The following DNAJB4 variants were observed in gnomAD, a reference collection of about 807,000 sequenced individuals.
DNAJB4 encodes the protein dnaJ homolog subfamily B member 4.
Under a neutral mutation model 26.6 loss-of-function variants are expected in DNAJB4, and 10 were observed. That is an observed-to-expected ratio of 0.38 (90% CI 0.23 to 0.64). The LOEUF is 0.64. Ranked by LOEUF, DNAJB4 falls within the 30% of genes least tolerant of loss-of-function variation. DNAJB4 has a pLI of 0.58. For missense variants in DNAJB4, 328 were observed against 408.2 expected (o/e 0.80, Z 1.69); for synonymous variants, 136 against 134.8 (o/e 1.01, Z -0.06).
At chr1:78,013,711 G>A (rs1174055369) in intron 2 of DNAJB4, 92 bp downstream of exon 2, 1 of 1,002,566 alleles carries the variant, frequency 1.0e-6, no homozygotes, top group Non-Finnish European at 1.5e-6. Flanking sequence ...TTTATTTAAT[G>A]CCTATTATAC....
At chr1:78,008,494 A>G (rs535778848) in intron 1 of DNAJB4, among the ~76,000 whole-genome samples, 2 of 152,324 alleles carry the variant, frequency 1.3e-5, no homozygotes, top group African/African-American at 4.8e-5. Context: ...GTAAAAGACT[A>G]TATATTGTAT....
chr1:78,007,202 G>GAA (rs1013483593), intron 1 of DNAJB4, among the ~76,000 whole-genome samples: 4 of 152,040 alleles, frequency 2.6e-5, no homozygotes, highest in African/African-American at 9.7e-5. Flanking sequence ...GTGATAGAAG[G>GAA]AAAGAGTGAG....
intron 1 of DNAJB4, among the ~76,000 whole-genome samples, chr1:77,989,563 A>G (rs1484483045): frequency 6.6e-6 from 1 of 152,192 alleles, no homozygotes; most frequent in Admixed American, 6.5e-5. Context: ...TTTTTAGGTT[A>G]ATATTTTTTT....
intron 1 of DNAJB4, among the ~76,000 whole-genome samples, chr1:77,983,531 C>CCCT (rs1659720289): frequency 6.6e-6 from 1 of 152,118 alleles, no homozygotes. Flanking sequence ...GGCAGAGGTC[C>CCCT]CTGCGGCCTT....
intron 2 of DNAJB4, among the ~76,000 whole-genome samples, chr1:78,015,177 T>C (rs1343828435): frequency 6.6e-6 from 1 of 152,220 alleles, no homozygotes. Flanking sequence ...GTGTTCATGG[T>C]CCCTATAAGG....
chr1:78,014,609 A>T (rs12122500), intron 2 of DNAJB4, among the ~76,000 whole-genome samples: 6,091 of 151,240 alleles, frequency 0.04, 230 homozygotes, highest in Admixed American at 0.13. Flanking sequence ...TATTATTATT[A>T]TTTTTTTGAG....
At chr1:77,985,423 C>T (rs1424621438) in intron 1 of DNAJB4, among the ~76,000 whole-genome samples, 1 of 152,022 alleles carries the variant, frequency 6.6e-6, no homozygotes, top group African/African-American at 2.4e-5. Context: ...GGGACATGTA[C>T]TTAAGAAAAA....
chr1:78,007,567 C>T lies in DNAJB4; in HGVS notation c.211+2246C>T, dbSNP rs563917259. 2.5e-3 allele frequency among the ~76,000 whole-genome samples: 386 copies of T among 151,878 alleles called. 1 individual carries two copies. The highest frequency in any genetic ancestry group is 4.0e-3 in the Non-Finnish European group (275 of 67,968). On this transcript the variant is annotated intron_variant, in intron 1 of 2. Coordinates refer to ENST00000370763, the MANE Select transcript of DNAJB4 (RefSeq NM_007034.5). Reference sequence around the variant, plus strand: ...CTGCACTTCAGCCTGGGCGACAGAGCGAGACCTCATCTCAAAAAAAGAAAA... The same window carrying T: ...CTGCACTTCAGCCTGGGCGACAGAGTGAGACCTCATCTCAAAAAAAGAAAA...
upstream of DNAJB4, among the ~76,000 whole-genome samples, chr1:78,003,826 TA>T (rs1233151837): frequency 2.0e-5 from 3 of 152,134 alleles, no homozygotes; most frequent in Non-Finnish European, 2.9e-5. Flanking sequence ...CAAAAAATTA[TA>T]AAACTACAGC....
At chr1:77,993,556 T>A (rs1202350009) in intron 1 of DNAJB4, among the ~76,000 whole-genome samples, 2 of 152,144 alleles carry the variant, frequency 1.3e-5, no homozygotes, top group Non-Finnish European at 2.9e-5. Context: ...CCTCAATTGA[T>A]CCGCCCTCCT....
At position 78,005,575 on chromosome 1, in the gene DNAJB4, A is replaced by G. The variant is rs570046147; in HGVS notation, c.211+254A>G. Among the ~76,000 whole-genome samples, 68 of 152,304 alleles carry G rather than the reference A, an allele frequency of 4.5e-4. 2 individuals carry two copies. The South Asian group carries it at 0.014, about 31-fold the overall frequency. On this transcript the variant is annotated intron_variant, in intron 1 of 2. Transcript: ENST00000370763. ...TTTATTTTAGCATTTTGTATTATAC[A>G]TATTTTATCATTAGACTTACAATGT... is the stretch of plus-strand genomic sequence containing the variant.
intron 1 of DNAJB4, among the ~76,000 whole-genome samples, chr1:78,007,832 T>C (rs967381533): frequency 2.0e-5 from 3 of 152,174 alleles, no homozygotes; most frequent in Non-Finnish European, 4.4e-5. Flanking sequence ...CACTGAACTT[T>C]AGGACTATGG....
chr1:78,013,454 A>G lies in DNAJB4; in HGVS notation c.615A>G (p.Lys205=), dbSNP rs1235530262. The change falls in exon 2 of 3, where the codon AAA becomes AAG. Residue 205 remains lysine, a synonymous_variant. Transcript: ENST00000370763. ...SEDKILTIEI[K]KGWKEGTKIT... ...ACAAAATTCTTACCATTGAGATTAA[A>G]AAAGGGTGGAAAGAAGGCACCAAAA... 2.5e-6 allele frequency: 4 copies of G among 1,614,206 alleles called. No homozygotes were observed. The highest frequency in any genetic ancestry group is 1.1e-5 in the South Asian group (1 of 91,082).
chr1:78,013,924 GGTTT>G (rs1004236235), intron 2 of DNAJB4, among the ~76,000 whole-genome samples: 4 of 151,622 alleles, frequency 2.6e-5, no homozygotes, highest in Admixed American at 2.0e-4. Flanking sequence ...TTGTATATAG[GGTTT>G]GTTCTAAATT....
chr1:78,008,357 G>A (rs999934285), intron 1 of DNAJB4, among the ~76,000 whole-genome samples: 2 of 152,112 alleles, frequency 1.3e-5, no homozygotes, highest in African/African-American at 4.8e-5. Flanking sequence ...ACCATAAATT[G>A]GTGAATTAAA....
chr1:77,990,347 G>A (rs962530378), intron 1 of DNAJB4, among the ~76,000 whole-genome samples: 2 of 152,064 alleles, frequency 1.3e-5, no homozygotes, highest in African/African-American at 4.8e-5. Context: ...CTTGCATTAG[G>A]ATCCTTTCTA....
chr1:78,009,940 C>G (rs1238381013), intron 1 of DNAJB4, among the ~76,000 whole-genome samples: 1 of 151,736 alleles, frequency 6.6e-6, no homozygotes, highest in African/African-American at 2.4e-5. Context: ...TTTTTTCATT[C>G]ATTAGAGTAG....
At chr1:78,008,988 A>G (rs961838733) in intron 1 of DNAJB4, among the ~76,000 whole-genome samples, 5 of 152,208 alleles carry the variant, frequency 3.3e-5, no homozygotes, top group Non-Finnish European at 5.9e-5. Flanking sequence ...TTGTTATTGC[A>G]TATGATTTAT....
upstream of DNAJB4, among the ~76,000 whole-genome samples, chr1:78,003,948 G>A (rs555425261): frequency 1.2e-4 from 19 of 152,170 alleles, no homozygotes; most frequent in South Asian, 2.1e-4. Context: ...TTTTTTCTGC[G>A]TTTTCCAAAA....
Sources: gnomAD v4.1 joint callset for allele counts (sites outside exome capture counted in the v4.1 genomes callset) on GRCh38, gnomAD v4.1.1 for gene constraint, MANE v1.5 for transcripts, NCBI Gene and HGNC (gene_info 2026-07-23, HGNC 2026-07-21) for gene names.